LRMDA: variants seen among roughly 807,000 people sequenced by gnomAD.
The protein encoded by LRMDA is leucine-rich melanocyte differentiation-associated protein.
A neutral mutation model predicts 29.8 loss-of-function variants in LRMDA; 18 were observed. The ratio of observed to expected loss-of-function variants is 0.60; its 90% CI spans 0.42 to 0.90. The LOEUF (loss-of-function observed/expected upper bound fraction) is 0.90, where lower values mean the gene tolerates loss of function less well. Ranked by LOEUF, LRMDA falls within the 40% of genes least tolerant of loss-of-function variation. The pLI is 0.00. For synonymous variants in LRMDA, 125 were observed against 109.4 expected (o/e 1.14, Z -0.89); for missense variants, 273 against 273.9 (o/e 1.00, Z 0.02).
chr10:75,538,616 T>G (rs1839980824), intron 2 of LRMDA, among the ~76,000 whole-genome samples: 1 of 152,122 alleles, frequency 6.6e-6, no homozygotes, highest in South Asian at 2.1e-4. Context: ...TTTGTTTGTT[T>G]GTTTGTTTGT....
chr10:75,495,658 C>G (rs572596279), intron 2 of LRMDA, among the ~76,000 whole-genome samples: 95 of 152,300 alleles, frequency 6.2e-4, no homozygotes, highest in African/African-American at 2.2e-3. Context: ...ATCCAGAGTC[C>G]TGCCACTTAT....
rs548069289 is a variant in LRMDA, at chr10:75,789,577, T to C, written c.132-246431T>C. Among the ~76,000 whole-genome samples, 3 of 152,204 alleles carry C rather than the reference T, an allele frequency of 2.0e-5. No individual in the cohort carries two copies. In the South Asian group the frequency reaches 6.2e-4, roughly 32 times the overall value. ...ACCAGGAATGTCTCTAATTCATAAGTGTATATTATAAATATATTTAAAATC... is the reference window on the plus strand; with the variant it reads ...ACCAGGAATGTCTCTAATTCATAAGCGTATATTATAAATATATTTAAAATC... On this transcript the variant is annotated intron_variant, in intron 2 of 6. Coordinates refer to ENST00000611255, the MANE Select transcript of LRMDA (RefSeq NM_001305581.2).
At chr10:76,328,957 A>G (rs1323412377) in intron 6 of LRMDA, among the ~76,000 whole-genome samples, 1 of 152,218 alleles carries the variant, frequency 6.6e-6, no homozygotes, top group Non-Finnish European at 1.5e-5. Flanking sequence ...GCACTGAACC[A>G]GTGATTCTCA....
chr10:75,613,596 G>T lies in LRMDA; in HGVS notation c.131+175102G>T, dbSNP rs550324947. Reference sequence around the variant, plus strand: ...GCACCTTTAGGTGTGATTGCTAATGGTATGGTGTTTGCAGAGTTCTCCAGG... The same window carrying T: ...GCACCTTTAGGTGTGATTGCTAATGTTATGGTGTTTGCAGAGTTCTCCAGG... On this transcript the variant is annotated intron_variant, in intron 2 of 6. Transcript: ENST00000611255. Among the ~76,000 whole-genome samples, 9 of 152,284 alleles carry T rather than the reference G, an allele frequency of 5.9e-5. 1 individual carries two copies. The highest frequency in any genetic ancestry group is 3.9e-4 in the East Asian group (2 of 5,184).
chr10:76,512,790 T>C (rs1383632882), intron 6 of LRMDA, among the ~76,000 whole-genome samples: 1 of 152,194 alleles, frequency 6.6e-6, no homozygotes, highest in Non-Finnish European at 1.5e-5. Flanking sequence ...GCCTTGTTTT[T>C]TTAATCTGTA....
intron 6 of LRMDA, chr10:76,437,338 A>C (rs1013313539): frequency 9.9e-5 from 15 of 152,216 alleles, no homozygotes; most frequent in African/African-American, 3.6e-4. Flanking sequence ...TAGATGAAGA[A>C]TCTGATGTCC....
At chr10:75,470,621 T>C (rs1844714578) in intron 2 of LRMDA, among the ~76,000 whole-genome samples, 1 of 152,036 alleles carries the variant, frequency 6.6e-6, no homozygotes, top group East Asian at 1.9e-4. Flanking sequence ...ATGGAGCAGG[T>C]AGTTGGTTGT....
chr10:76,286,957 C>G (rs1257908294), intron 5 of LRMDA, among the ~76,000 whole-genome samples: 1 of 152,110 alleles, frequency 6.6e-6, no homozygotes, highest in Non-Finnish European at 1.5e-5. Context: ...GTCTAGCACT[C>G]TCTTTACTAT....
chr10:75,517,932 G>A (rs1171637645), intron 2 of LRMDA, among the ~76,000 whole-genome samples: 1 of 151,498 alleles, frequency 6.6e-6, no homozygotes, highest in South Asian at 2.1e-4. Flanking sequence ...TTTTGTTGGA[G>A]TTTTCTGCAT....
intron 2 of LRMDA, among the ~76,000 whole-genome samples, chr10:75,469,168 C>A (rs1844695524): frequency 6.6e-6 from 1 of 151,608 alleles, no homozygotes; most frequent in Non-Finnish European, 1.5e-5. Flanking sequence ...TTTAGAAACT[C>A]CAAGAAATCT....
chr10:75,786,209 C>T (rs1167850034), intron 2 of LRMDA, among the ~76,000 whole-genome samples: 1 of 152,206 alleles, frequency 6.6e-6, no homozygotes, highest in Non-Finnish European at 1.5e-5. Context: ...ATAACAACTT[C>T]CCATTTGGGG....
chr10:76,004,809 G>A (rs796887854), intron 2 of LRMDA, among the ~76,000 whole-genome samples: 31 of 149,708 alleles, frequency 2.1e-4, no homozygotes, highest in African/African-American at 7.4e-4. Flanking sequence ...CTCACTGCAA[G>A]CTCCGCCTCC....
chr10:76,357,839 G>A (rs952678112), intron 6 of LRMDA, among the ~76,000 whole-genome samples: 8 of 152,088 alleles, frequency 5.3e-5, no homozygotes, highest in East Asian at 1.9e-4. Context: ...TCTTTCTTCC[G>A]TCTGTAAACT....
At chr10:75,937,840 A>G (rs1846323621) in intron 2 of LRMDA, among the ~76,000 whole-genome samples, 2 of 152,242 alleles carry the variant, frequency 1.3e-5, no homozygotes, top group African/African-American at 4.8e-5. Flanking sequence ...GCAGGCATGT[A>G]TGATACACAA....
intron 6 of LRMDA, among the ~76,000 whole-genome samples, chr10:76,505,279 T>A (rs1842947503): frequency 6.6e-6 from 1 of 151,994 alleles, no homozygotes; most frequent in Non-Finnish European, 1.5e-5. Flanking sequence ...GGTAACTATG[T>A]TCCTTGGGGA....
At chr10:75,660,559 T>C (rs1302350945) in intron 2 of LRMDA, among the ~76,000 whole-genome samples, 1 of 152,156 alleles carries the variant, frequency 6.6e-6, no homozygotes, top group African/African-American at 2.4e-5. Flanking sequence ...CACCAATTCA[T>C]GGGACGCCTG....
chr10:76,239,190 G>A (rs1285756124), intron 5 of LRMDA, among the ~76,000 whole-genome samples: 2 of 152,096 alleles, frequency 1.3e-5, no homozygotes, highest in Non-Finnish European at 2.9e-5. Context: ...ATAGGGGGTG[G>A]CCAGCTGCTT....
At chr10:75,562,935 C>A (rs1359491409) in intron 2 of LRMDA, among the ~76,000 whole-genome samples, 1 of 152,070 alleles carries the variant, frequency 6.6e-6, no homozygotes, top group African/African-American at 2.4e-5. Flanking sequence ...GAGGGTAACC[C>A]GACCTTTCTC....
At chr10:76,412,538 G>A (rs912826166) in intron 6 of LRMDA, among the ~76,000 whole-genome samples, 1 of 152,148 alleles carries the variant, frequency 6.6e-6, no homozygotes, top group African/African-American at 2.4e-5. Flanking sequence ...TTCTCTGGGG[G>A]ACTCTGCCCT....
Sources: allele counts gnomAD v4.1 joint callset (sites outside exome capture counted in the v4.1 genomes callset), GRCh38; gene constraint gnomAD v4.1.1; transcripts MANE v1.5; gene names NCBI Gene and HGNC (gene_info 2026-07-23, HGNC 2026-07-21).